Variants in NXPH1 observed in about 807,000 individuals in gnomAD.
NXPH1 encodes neurexophilin 1, also known as neurexophilin-1.
Under a neutral mutation model 23.7 loss-of-function variants are expected in NXPH1, and 5 were observed. That is an observed-to-expected ratio of 0.21 (90% CI 0.11 to 0.44). The LOEUF (loss-of-function observed/expected upper bound fraction) is 0.44, where lower values mean the gene tolerates loss of function less well. Ranked by LOEUF, NXPH1 falls within the 20% of genes least tolerant of loss-of-function variation. The probability of loss-of-function intolerance (pLI) is 0.99; values close to 1 mark genes in which losing one functional copy is unlikely to be tolerated. For missense variants in NXPH1, 324 were observed against 321.6 expected (o/e 1.01, Z -0.06); for synonymous variants, 144 against 122.2 (o/e 1.18, Z -1.18).
chr7:8,495,287 T>C (rs942497803), intron 2 of NXPH1, among the ~76,000 whole-genome samples: 2 of 131,220 alleles, frequency 1.5e-5, no homozygotes, highest in Non-Finnish European at 3.4e-5. Context: ...TCTTAAGGCC[T>C]TCAACTGATT....
chr7:8,625,064 T>C lies in NXPH1; in HGVS notation c.55-125944T>C, dbSNP rs17152892. Among the ~76,000 whole-genome samples the C allele has an allele frequency of 8.5e-4, 130 of 152,280 alleles. 1 individual carries two copies. The East Asian group carries it at 0.017, about 20-fold the overall frequency. On this transcript the variant is annotated intron_variant, in intron 2 of 2. Transcript: ENST00000405863. ...GAGAAGACTGTCCCAATCCATATTG[T>C]AGTGTCATTTTCAGCTTCCTATGTG...
At position 8,435,555 on chromosome 7, in the gene NXPH1, C is replaced by G. The variant is rs1816178275; in HGVS notation, c.-110-49C>G. ...CCCTTTCCCCGCTTGATTGTCAAGC[C>G]TAACCTTGCCCGCGTAGTCATGGGA... On this transcript the variant is annotated intron_variant, in intron 1 of 2. Coordinates refer to ENST00000405863, the MANE Select transcript of NXPH1 (RefSeq NM_152745.3). The surrounding 1 kb of genome is among the most constrained non-coding windows in gnomAD (Gnocchi z 5.9). 1 of 678,306 alleles carries G rather than the reference C, an allele frequency of 1.5e-6. No individual in the cohort carries two copies. The highest frequency in any genetic ancestry group is 1.8e-5 in the African/African-American group (1 of 56,482). The allele number at this position is 678,306 out of a possible 1,614,324, so 42.0% of individuals were successfully genotyped here.
intron 2 of NXPH1, among the ~76,000 whole-genome samples, chr7:8,709,817 T>C (rs1779759173): frequency 2.0e-5 from 3 of 152,184 alleles, no homozygotes; most frequent in African/African-American, 7.2e-5. Context: ...TTACATCAAA[T>C]TTGTACTGTT....
chr7:8,615,203 T>A lies in NXPH1; in HGVS notation c.55-135805T>A, dbSNP rs552524701. 1.1e-4 allele frequency among the ~76,000 whole-genome samples: 17 copies of A among 152,150 alleles called. No homozygotes were observed. The South Asian group carries it at 3.5e-3, about 32-fold the overall frequency. ...TGCTATTTGTTTGACACAATGGGTT[T>A]TCAGGAATGGGATTGCGGGAGCTAA... is the stretch of plus-strand genomic sequence containing the variant. On this transcript the variant is annotated intron_variant, in intron 2 of 2. Coordinates refer to ENST00000405863, the MANE Select transcript of NXPH1 (RefSeq NM_152745.3).
chr7:8,526,318 C>T (rs191476485), intron 2 of NXPH1, among the ~76,000 whole-genome samples: 1 of 152,288 alleles, frequency 6.6e-6, no homozygotes, highest in East Asian at 1.9e-4. Flanking sequence ...TCTATTGTAT[C>T]TAGGAAGTAA....
intron 2 of NXPH1, among the ~76,000 whole-genome samples, chr7:8,697,270 C>G (rs537166826): frequency 6.6e-6 from 1 of 151,686 alleles, no homozygotes; most frequent in East Asian, 1.9e-4. Context: ...GTGAAAGATG[C>G]CAGTTGGGGG....
rs550172170 is a variant in NXPH1, at chr7:8,728,906, A to C, written c.55-22102A>C. Among the ~76,000 whole-genome samples the C allele has an allele frequency of 8.9e-3, 1,339 of 150,438 alleles. 19 individuals are homozygous for C. Among genetic ancestry groups the C allele is most frequent in the African/African-American group, 0.03 (1,229 of 41,258 alleles). ...TTTCTATTGATTGGAATAGTTTCAGAAGGAATGGTACCAGTTCCTCCTTGT... is the reference window on the plus strand; with the variant it reads ...TTTCTATTGATTGGAATAGTTTCAGCAGGAATGGTACCAGTTCCTCCTTGT... On this transcript the variant is annotated intron_variant, in intron 2 of 2. Coordinates refer to ENST00000405863, the MANE Select transcript of NXPH1 (RefSeq NM_152745.3).
At chr7:8,533,293 T>G (rs747858610) in intron 2 of NXPH1, among the ~76,000 whole-genome samples, 6 of 152,180 alleles carry the variant, frequency 3.9e-5, no homozygotes, top group Non-Finnish European at 7.3e-5. Context: ...TCTTCCTGGT[T>G]AATCTGTTGT....
At chr7:8,732,555 C>A (rs1212996610) in intron 2 of NXPH1, among the ~76,000 whole-genome samples, 4 of 152,120 alleles carry the variant, frequency 2.6e-5, no homozygotes, top group Non-Finnish European at 2.9e-5. Context: ...TATTTACTGA[C>A]AAAATGAAAT....
At chr7:8,477,725 G>C (rs1047489063) in intron 2 of NXPH1, among the ~76,000 whole-genome samples, 2 of 152,130 alleles carry the variant, frequency 1.3e-5, no homozygotes, top group African/African-American at 4.8e-5. Flanking sequence ...GGATCACATA[G>C]ATGAGTGTTT....
intron 2 of NXPH1, among the ~76,000 whole-genome samples, chr7:8,440,453 C>T (rs1042370443): frequency 2.6e-4 from 39 of 152,106 alleles, no homozygotes; most frequent in Non-Finnish European, 4.6e-4. Flanking sequence ...CTCCTCTGTG[C>T]GAAGTTGATT....
chr7:8,646,465 G>C (rs949556204), intron 2 of NXPH1, among the ~76,000 whole-genome samples: 2 of 151,676 alleles, frequency 1.3e-5, no homozygotes, highest in African/African-American at 2.4e-5. Context: ...TTGTTTTCTT[G>C]TCTGATATTC....
chr7:8,709,868 T>C (rs1432383788), intron 2 of NXPH1, among the ~76,000 whole-genome samples: 1 of 152,210 alleles, frequency 6.6e-6, no homozygotes, highest in East Asian at 1.9e-4. Flanking sequence ...TGTTAGGCTA[T>C]ATATCTTTAC....
intron 2 of NXPH1, among the ~76,000 whole-genome samples, chr7:8,745,798 AC>A (rs1780460521): frequency 7.3e-6 from 1 of 136,298 alleles, no homozygotes; most frequent in Non-Finnish European, 1.5e-5. Flanking sequence ...TGATCTCTTG[AC>A]CTCTTTATCC....
chr7:8,634,632 C>A (rs1583207810), intron 2 of NXPH1, among the ~76,000 whole-genome samples: 1 of 141,038 alleles, frequency 7.1e-6, no homozygotes, highest in Admixed American at 7.4e-5. Flanking sequence ...CTTTCTTCTG[C>A]AGTTATCTGC....
intron 2 of NXPH1, among the ~76,000 whole-genome samples, chr7:8,490,668 A>G (rs1482794890): frequency 1.3e-5 from 2 of 152,008 alleles, no homozygotes; most frequent in African/African-American, 4.8e-5. Flanking sequence ...TAGTATAAAA[A>G]TCTGTGTTAT....
chr7:8,498,962 T>C (rs1199471998), intron 2 of NXPH1, among the ~76,000 whole-genome samples: 5 of 152,074 alleles, frequency 3.3e-5, no homozygotes, highest in Admixed American at 1.3e-4. Context: ...TATGTAACAT[T>C]TGAGTATAAA....
At chr7:8,655,275 C>CT (rs1820556237) in intron 2 of NXPH1, among the ~76,000 whole-genome samples, 3 of 152,104 alleles carry the variant, frequency 2.0e-5, no homozygotes, top group Admixed American at 2.0e-4. Context: ...GTCTTAGCTA[C>CT]TTGGGAGGCT....
At chr7:8,574,189 A>G (rs181985981) in intron 2 of NXPH1, among the ~76,000 whole-genome samples, 3 of 152,276 alleles carry the variant, frequency 2.0e-5, no homozygotes, top group African/African-American at 7.2e-5. Flanking sequence ...CTGTTTGTCT[A>G]TGACATGAAA....
Sources: gnomAD v4.1 joint callset for allele counts (sites outside exome capture counted in the v4.1 genomes callset) on GRCh38, gnomAD v4.1.1 for gene constraint, Gnocchi (gnomAD v3.1) non-coding constraint, MANE v1.5 for transcripts, NCBI Gene and HGNC (gene_info 2026-07-23, HGNC 2026-07-21) for gene names.